CTNNA2: variants seen among roughly 807,000 people sequenced by gnomAD.
CTNNA2 encodes catenin alpha 2.
In CTNNA2, 42 loss-of-function variants were observed where a neutral mutation model predicts 101.0. The ratio of observed to expected loss-of-function variants is 0.42; its 90% CI spans 0.32 to 0.54. CTNNA2 has a LOEUF of 0.54. Ranked by LOEUF, CTNNA2 falls within the 20% of genes least tolerant of loss-of-function variation. CTNNA2 has a pLI of 0.14. For synonymous variants in CTNNA2, 450 were observed against 456.4 expected (o/e 0.99, Z 0.18); for missense variants, 871 against 1,223.1 (o/e 0.71, Z 4.29).
chr2:80,127,962 A>G (rs1702227362), intron 7 of CTNNA2, among the ~76,000 whole-genome samples: 1 of 152,078 alleles, frequency 6.6e-6, no homozygotes, highest in African/African-American at 2.4e-5. Flanking sequence ...AATATCAATT[A>G]TATTCACTGA....
At chr2:80,272,386 T>A (rs1673565861) in intron 7 of CTNNA2, among the ~76,000 whole-genome samples, 3 of 152,242 alleles carry the variant, frequency 2.0e-5, no homozygotes, top group Non-Finnish European at 1.5e-5. Flanking sequence ...ATTACAGAGT[T>A]GGCTACATTT....
At chr2:80,041,926 A>T (rs981187855) in intron 7 of CTNNA2, among the ~76,000 whole-genome samples, 3 of 152,116 alleles carry the variant, frequency 2.0e-5, no homozygotes, top group African/African-American at 7.2e-5. Context: ...ACAGCAGTTG[A>T]TAATCTAGTA....
intron 4 of CTNNA2, among the ~76,000 whole-genome samples, chr2:79,470,396 C>T (rs1184080836): frequency 6.6e-6 from 1 of 152,070 alleles, no homozygotes; most frequent in African/African-American, 2.4e-5. Context: ...CAAAGTAGCC[C>T]AGAGGTAATA....
intron 7 of CTNNA2, among the ~76,000 whole-genome samples, chr2:80,232,341 GTTTGTTTT>G (rs1709279779): frequency 7.3e-5 from 6 of 82,060 alleles, no homozygotes; most frequent in African/African-American, 2.0e-4. Flanking sequence ...TTGTTTGTTT[GTTTGTTTT>G]TTTTTTTTTT....
intron 2 of CTNNA2, among the ~76,000 whole-genome samples, chr2:79,236,605 A>G (rs1400626873): frequency 6.6e-6 from 1 of 152,210 alleles, no homozygotes; most frequent in Non-Finnish European, 1.5e-5. Context: ...TTCACTCACT[A>G]TAGAACTTGC....
At chr2:80,310,162 G>A (rs1222444912) in intron 7 of CTNNA2, among the ~76,000 whole-genome samples, 2 of 152,158 alleles carry the variant, frequency 1.3e-5, no homozygotes, top group Non-Finnish European at 2.9e-5. Flanking sequence ...AAGCTAAAGG[G>A]ACAGAAATGT....
chr2:79,953,417 A>G (rs1689016550), intron 7 of CTNNA2, among the ~76,000 whole-genome samples: 1 of 152,150 alleles, frequency 6.6e-6, no homozygotes, highest in Admixed American at 6.6e-5. Context: ...TGTCCTCATG[A>G]AGGCAGCCAG....
At chr2:79,225,383 G>A (rs946791880) in intron 2 of CTNNA2, among the ~76,000 whole-genome samples, 1 of 152,048 alleles carries the variant, frequency 6.6e-6, no homozygotes, top group Non-Finnish European at 1.5e-5. Context: ...GCTTGTCTTT[G>A]AATTAATCTT....
chr2:79,290,712 G>C (rs1035301119), intron 2 of CTNNA2, among the ~76,000 whole-genome samples: 1 of 152,040 alleles, frequency 6.6e-6, no homozygotes, highest in East Asian at 1.9e-4. Context: ...GGGGAGTCCC[G>C]ACTCCAGGGA....
At chr2:79,234,690 A>G (rs1674534537) in intron 2 of CTNNA2, among the ~76,000 whole-genome samples, 1 of 152,190 alleles carries the variant, frequency 6.6e-6, no homozygotes, top group South Asian at 2.1e-4. Context: ...TAACTTTTTT[A>G]CATAATCCTA....
chr2:79,383,465 G>T (rs1678062183), intron 4 of CTNNA2, among the ~76,000 whole-genome samples: 1 of 152,170 alleles, frequency 6.6e-6, no homozygotes, highest in Non-Finnish European at 1.5e-5. Context: ...TGTAGTTTCT[G>T]TGTAGAAACT....
intron 9 of CTNNA2, among the ~76,000 whole-genome samples, chr2:80,476,157 A>G (rs959021515): frequency 1.3e-5 from 2 of 152,142 alleles, no homozygotes; most frequent in Non-Finnish European, 2.9e-5. Context: ...AGCTGAACCC[A>G]TGACCACAGA....
At chr2:79,268,455 A>G (rs1362047861) in intron 2 of CTNNA2, among the ~76,000 whole-genome samples, 1 of 152,116 alleles carries the variant, frequency 6.6e-6, no homozygotes, top group Non-Finnish European at 1.5e-5. Context: ...CATTCTTTGT[A>G]GTAAGCCATA....
At chr2:79,697,487 G>A (rs1184708530) in intron 2 of CTNNA2, among the ~76,000 whole-genome samples, 2 of 152,040 alleles carry the variant, frequency 1.3e-5, no homozygotes, top group Admixed American at 1.3e-4. Flanking sequence ...TTACATATTT[G>A]AGTTGCCTTT....
chr2:79,363,013 T>C (rs1677665698), intron 3 of CTNNA2, among the ~76,000 whole-genome samples: 1 of 152,224 alleles, frequency 6.6e-6, no homozygotes, highest in Admixed American at 6.5e-5. Context: ...AAATATAAGT[T>C]CTAACCTCTA....
rs184757020 is a variant in CTNNA2 at position 79,616,937 on chromosome 2, C to T, written c.-5-34615C>T. Among the ~76,000 whole-genome samples the T allele has an allele frequency of 1.8e-3, 275 of 149,520 alleles. 8 individuals are homozygous for T. The South Asian group carries it at 0.048, about 26-fold the overall frequency. ...TTTTTTTCGAGACACAGTCTTGCTC[C>T]GTCACCCAGGCTGGGGTAGAATGGT... On this transcript the variant is annotated intron_variant, in intron 1 of 18. Coordinates refer to ENST00000402739, the MANE Select transcript of CTNNA2 (RefSeq NM_001282597.3).
intron 1 of CTNNA2, among the ~76,000 whole-genome samples, chr2:79,629,452 C>A (rs1376928052): frequency 1.3e-5 from 2 of 152,078 alleles, no homozygotes; most frequent in African/African-American, 2.4e-5. Context: ...TTTAAAAATT[C>A]TGAGCAGTTA....
At chr2:79,476,161 G>A (rs1358022598) in intron 4 of CTNNA2, among the ~76,000 whole-genome samples, 2 of 152,212 alleles carry the variant, frequency 1.3e-5, no homozygotes, top group Non-Finnish European at 2.9e-5. Context: ...GAAAACACAA[G>A]ATGTGAAGTG....
chr2:80,313,558 C>A, intron 7 of CTNNA2: 1 of 1,610,494 alleles, frequency 6.2e-7, no homozygotes, highest in East Asian at 2.2e-5. Flanking sequence ...GACGAATTGA[C>A]CAGATGGATG....
Sources: allele counts gnomAD v4.1 joint callset (sites outside exome capture counted in the v4.1 genomes callset), GRCh38; gene constraint gnomAD v4.1.1; transcripts MANE v1.5; gene names NCBI Gene and HGNC (gene_info 2026-07-23, HGNC 2026-07-21).